The following BMPR1B variants were observed in gnomAD, a reference collection of about 807,000 sequenced individuals.
BMPR1B encodes the protein bone morphogenetic protein receptor type-1B.
In BMPR1B, 12 loss-of-function variants were observed where a neutral mutation model predicts 59.1. The observed-to-expected ratio is 0.20, with a 90% CI of 0.13 to 0.33. The LOEUF is 0.33. BMPR1B is among the 10% of genes least tolerant of loss of function. BMPR1B has a pLI of 1.00. For missense variants in BMPR1B, 550 were observed against 610.9 expected, an observed-to-expected ratio of 0.90 and a Z score of 1.05; for synonymous variants, 237 against 207.3, an observed-to-expected ratio of 1.14 and a Z score of -1.23.
intron 1 of BMPR1B, among the ~76,000 whole-genome samples, chr4:94,844,566 A>G (rs1725239727): frequency 6.6e-6 from 1 of 152,242 alleles, no homozygotes; most frequent in East Asian, 1.9e-4. Flanking sequence ...TTTCCATGCC[A>G]GAGGGATGGG....
chr4:94,911,407 A>G (rs1286156172), intron 2 of BMPR1B, among the ~76,000 whole-genome samples: 1 of 152,096 alleles, frequency 6.6e-6, no homozygotes, highest in Non-Finnish European at 1.5e-5. Flanking sequence ...TGACAGGAAC[A>G]GAGGGGAAGA....
chr4:94,968,711 A>G (rs770937863), intron 2 of BMPR1B, among the ~76,000 whole-genome samples: 4 of 152,186 alleles, frequency 2.6e-5, no homozygotes, highest in Non-Finnish European at 5.9e-5. Context: ...ACTCTGTAAC[A>G]TACTGACTCA....
intron 1 of BMPR1B, among the ~76,000 whole-genome samples, chr4:94,773,812 G>T (rs911742478): frequency 3.3e-5 from 5 of 150,942 alleles, no homozygotes; most frequent in African/African-American, 1.2e-4. Flanking sequence ...CCCACAGGAA[G>T]TCTCTTTTAA....
At chr4:94,999,452 A>G (rs1331388761) in intron 3 of BMPR1B, among the ~76,000 whole-genome samples, 1 of 142,774 alleles carries the variant, frequency 7.0e-6, no homozygotes, top group East Asian at 2.0e-4. Context: ...GTGTGTGTGT[A>G]ACCATGAAAA....
chr4:94,914,408 C>A (rs536944674), intron 2 of BMPR1B, among the ~76,000 whole-genome samples: 22 of 152,176 alleles, frequency 1.4e-4, no homozygotes, highest in African/African-American at 5.3e-4. Context: ...GTAATTGAAG[C>A]TATAAACAAG....
intron 2 of BMPR1B, among the ~76,000 whole-genome samples, chr4:94,943,473 C>T (rs1729596410): frequency 6.6e-6 from 1 of 152,190 alleles, no homozygotes; most frequent in South Asian, 2.1e-4. Flanking sequence ...ATATCTGTTC[C>T]TCTGTGTCTT....
At chr4:94,988,897 T>G (rs1445182022) in intron 2 of BMPR1B, among the ~76,000 whole-genome samples, 3 of 152,060 alleles carry the variant, frequency 2.0e-5, no homozygotes, top group Non-Finnish European at 4.4e-5. Context: ...AGTTTGTAGT[T>G]TACTTCTAAC....
intron 6 of BMPR1B, among the ~76,000 whole-genome samples, chr4:95,116,776 G>C (rs561401950): frequency 6.6e-6 from 1 of 151,962 alleles, no homozygotes; most frequent in South Asian, 2.1e-4. Context: ...ACCACACCCA[G>C]CTAGAATTTT....
chr4:95,085,440 CAAAG>C (rs1729504010), intron 3 of BMPR1B, among the ~76,000 whole-genome samples: 1 of 152,186 alleles, frequency 6.6e-6, no homozygotes, highest in Non-Finnish European at 1.5e-5. Flanking sequence ...ATCTGGGTCT[CAAAG>C]AATACCAAAG....
At chr4:94,990,520 G>C (rs768866876) in intron 2 of BMPR1B, among the ~76,000 whole-genome samples, 1 of 152,096 alleles carries the variant, frequency 6.6e-6, no homozygotes, top group African/African-American at 2.4e-5. Flanking sequence ...ACAATAAAAT[G>C]AATTATTGAT....
At chr4:95,056,071 C>A (rs1328392999) in intron 3 of BMPR1B, among the ~76,000 whole-genome samples, 3 of 152,080 alleles carry the variant, frequency 2.0e-5, no homozygotes, top group Non-Finnish European at 4.4e-5. Context: ...TTGAACAAAT[C>A]CTCAAATAAG....
Position 95,130,002 on chromosome 4 carries a change from C to T in BMPR1B, c.726C>T (p.Phe242=), listed in dbSNP as rs376819253. 1.2e-6 allele frequency: 2 copies of T among 1,613,898 alleles called. No individual in the cohort carries two copies. Among genetic ancestry groups the T allele is most frequent in the South Asian group, 2.2e-5 (2 of 91,082 alleles). The change falls in exon 9 of 13, where the codon TTC becomes TTT. Residue 242 remains phenylalanine, a synonymous_variant. Transcript: ENST00000515059. ...VFFTTEEASW[F]RETEIYQTVL... is the part of the protein sequence containing the mutation. ...TCACCACAGAGGAAGCCAGCTGGTT[C>T]AGAGAGACAGAAATATATCAGACAG...
At chr4:94,780,116 A>T (rs1267147203) in intron 1 of BMPR1B, among the ~76,000 whole-genome samples, 4 of 152,130 alleles carry the variant, frequency 2.6e-5, no homozygotes, top group African/African-American at 9.7e-5. Context: ...CTAATGTCTC[A>T]TTTAGGATTC....
chr4:94,759,267 G>A (rs1475612077), intron 1 of BMPR1B, among the ~76,000 whole-genome samples: 4 of 152,352 alleles, frequency 2.6e-5, no homozygotes, highest in East Asian at 1.9e-4. Flanking sequence ...AGACAACGGA[G>A]GAAGAGAGCC....
At position 94,814,833 on chromosome 4, in the gene BMPR1B, A is replaced by G. The variant is rs368672789; in HGVS notation, c.-183+56765A>G. ...CACACAAAATAACAGGATTAATAGG[A>G]AACTAAATTTTAAAAAAGGTATTTT... On this transcript the variant is annotated intron_variant, in intron 1 of 12. Coordinates refer to ENST00000515059, the MANE Select transcript of BMPR1B (RefSeq NM_001203.3). Among the ~76,000 whole-genome samples, 27 of 152,312 alleles carry G rather than the reference A, an allele frequency of 1.8e-4. No individual in the cohort carries two copies. In the South Asian group the frequency reaches 4.4e-3, roughly 25 times the overall value.
At chr4:94,988,864 T>TG (rs985608033) in intron 2 of BMPR1B, among the ~76,000 whole-genome samples, 19 of 151,810 alleles carry the variant, frequency 1.3e-4, no homozygotes, top group Admixed American at 3.9e-4. Context: ...CCCTTTTTTT[T>TG]GGGAAAAGAA....
intron 3 of BMPR1B, among the ~76,000 whole-genome samples, chr4:95,028,632 C>T (rs535239814): frequency 6.6e-6 from 1 of 152,224 alleles, no homozygotes; most frequent in East Asian, 1.9e-4. Flanking sequence ...TGGCATATTA[C>T]TATAAAATTG....
chr4:94,958,827 G>A (rs1446396727), intron 2 of BMPR1B, among the ~76,000 whole-genome samples: 1 of 152,074 alleles, frequency 6.6e-6, no homozygotes, highest in Non-Finnish European at 1.5e-5. Context: ...GAAATAAGAG[G>A]ACTCAGGCTG....
intron 2 of BMPR1B, among the ~76,000 whole-genome samples, chr4:94,968,404 T>C (rs1730640578): frequency 1.3e-5 from 2 of 152,108 alleles, no homozygotes. Flanking sequence ...TATTTTTATG[T>C]GTTGTAGTTT....
Sources: gnomAD v4.1 joint callset for allele counts (sites outside exome capture counted in the v4.1 genomes callset) on GRCh38, gnomAD v4.1.1 for gene constraint, MANE v1.5 for transcripts, NCBI Gene and HGNC (gene_info 2026-07-23, HGNC 2026-07-21) for gene names.